The following PIGN variants were observed in gnomAD, a reference collection of about 807,000 sequenced individuals.
PIGN encodes phosphatidylinositol glycan anchor biosynthesis class N.
PIGN carries 117 observed loss-of-function variants against 125.4 expected under a neutral mutation model. That is an observed-to-expected ratio of 0.93 (90% CI 0.80 to 1.09). The LOEUF is 1.09. PIGN is among the 50% of genes least tolerant of loss of function. The pLI, the probability that PIGN is intolerant of heterozygous loss-of-function variation, is 0.00. For synonymous variants in PIGN, 392 were observed against 377.8 expected (o/e 1.04, Z -0.44); for missense variants, 1,075 against 1,094.9 (o/e 0.98, Z 0.26).
chr18:62,117,156 C>T (rs1375388226), intron 14 of PIGN, among the ~76,000 whole-genome samples: 2 of 152,016 alleles, frequency 1.3e-5, no homozygotes, highest in Non-Finnish European at 2.9e-5. Context: ...CTCAATGTAT[C>T]ACCATGACAT....
At chr18:62,033,303 C>T (rs1379786456) in intron 23 of PIGN, among the ~76,000 whole-genome samples, 2 of 152,154 alleles carry the variant, frequency 1.3e-5, no homozygotes, top group African/African-American at 4.8e-5. Context: ...CATAAAATCA[C>T]TGGATTTGTA....
intron 25 of PIGN, chr18:62,088,494 A>G: frequency 5.0e-6 from 1 of 201,256 alleles, no homozygotes; most frequent in Non-Finnish European, 9.8e-6. Context: ...TTAAAAACAC[A>G]TTTTTAAAAA....
At position 62,150,273 on chromosome 18, in the gene PIGN, C is replaced by T. The variant is rs138636560; in HGVS notation, c.550-1935G>A. ...TGCTGGGATTACAGGCGTGAGCCACCGCGCCCAGCCTCTGATAGGGTTTAA... is the reference window on the plus strand; with the variant it reads ...TGCTGGGATTACAGGCGTGAGCCACTGCGCCCAGCCTCTGATAGGGTTTAA... On this transcript the variant is annotated intron_variant, in intron 7 of 30. Transcript: ENST00000640252. Among the ~76,000 whole-genome samples the T allele has an allele frequency of 5.5e-3, 832 of 152,090 alleles. 29 individuals carry two copies. The highest frequency in any genetic ancestry group is 2.1e-3 in the East Asian group (11 of 5,162).
At chr18:62,061,529 AAAAAAAAAAT>A (rs796698240) in intron 30 of PIGN, among the ~76,000 whole-genome samples, 6 of 110,254 alleles carry the variant, frequency 5.4e-5, no homozygotes, top group Admixed American at 2.1e-4. Flanking sequence ...AAAAAAAAAA[AAAAAAAAAAT>A]GCAATAAAAT....
At chr18:62,090,805 A>C (rs1471013749) in intron 23 of PIGN, among the ~76,000 whole-genome samples, 1 of 152,170 alleles carries the variant, frequency 6.6e-6, no homozygotes, top group Admixed American at 6.5e-5. Flanking sequence ...GTTTAAAATA[A>C]TAGAAATATA....
intron 30 of PIGN, chr18:62,052,787 C>A (rs1197681375): frequency 9.7e-6 from 2 of 206,276 alleles, no homozygotes; most frequent in East Asian, 1.9e-4. Context: ...GATGCAGTTT[C>A]TTCCTAGCCT....
At chr18:62,155,746 AT>A (rs869244523) in intron 6 of PIGN, among the ~76,000 whole-genome samples, 1 of 79,488 alleles carries the variant, frequency 1.3e-5, no homozygotes, top group Non-Finnish European at 2.8e-5. Flanking sequence ...ACTATCTCTA[AT>A]TCAATTATTT....
intron 1 of PIGN, among the ~76,000 whole-genome samples, chr18:62,183,613 T>C (rs2037794827): frequency 6.6e-6 from 1 of 152,218 alleles, no homozygotes. Context: ...CTACGACTAT[T>C]TGAATTAATG....
Position 62,041,231 on chromosome 18 carries a change from A to G in PIGN, c.*4625T>C, listed in dbSNP as rs2030360541. On this transcript the variant is annotated 3_prime_UTR_variant, in exon 31 of 31. Transcript: ENST00000640252. Reference sequence around the variant, plus strand: ...AACATAAGGTATGAAGGCTTAGTCTATACTCTAGCAGGGCTAGACAATGAG... The same window carrying G: ...AACATAAGGTATGAAGGCTTAGTCTGTACTCTAGCAGGGCTAGACAATGAG... 1 of 152,238 alleles carries G rather than the reference A, an allele frequency of 6.6e-6. No homozygotes were observed. Among genetic ancestry groups the G allele is most frequent in the Non-Finnish European group, 1.5e-5 (1 of 68,040 alleles). The allele number at this position is 152,238 out of a possible 1,614,324, so 9.4% of individuals were successfully genotyped here.
chr18:62,105,836 T>C (rs543532280), intron 19 of PIGN, among the ~76,000 whole-genome samples: 1 of 152,296 alleles, frequency 6.6e-6, no homozygotes, highest in South Asian at 2.1e-4. Context: ...GAAGGACCTG[T>C]TGCATAGCAG....
At chr18:62,073,005 G>C (rs914527002) in intron 29 of PIGN, among the ~76,000 whole-genome samples, 1 of 152,074 alleles carries the variant, frequency 6.6e-6, no homozygotes, top group Non-Finnish European at 1.5e-5. Context: ...AAAAAAACTA[G>C]ATAATACTAA....
chr18:62,154,717 C>G (rs2036661081), intron 6 of PIGN, 66 bp from the exon 7 acceptor site: 8 of 764,658 alleles, frequency 1.0e-5, no homozygotes, highest in South Asian at 3.0e-5. Flanking sequence ...AAAATATGAG[C>G]TAGTCATTCA....
rs143539075 is a variant in PIGN at position 62,069,062 on chromosome 18, C to A, written c.2672+3611G>T. On this transcript the variant is annotated intron_variant, in intron 30 of 30. Coordinates refer to ENST00000640252, the MANE Select transcript of PIGN (RefSeq NM_176787.5). ...AGAACTGTGAGTTTCTCATCCCCAGCAACTCTCCTAGCATACAGCTGGTGC... is the reference window on the plus strand; with the variant it reads ...AGAACTGTGAGTTTCTCATCCCCAGAAACTCTCCTAGCATACAGCTGGTGC... Among the ~76,000 whole-genome samples, 242 of 152,326 alleles carry A rather than the reference C, an allele frequency of 1.6e-3. 1 individual carries two copies. Among genetic ancestry groups the A allele is most frequent in the African/African-American group, 5.4e-3 (226 of 41,560 alleles).
At chr18:62,066,521 C>T (rs1599437255) in intron 30 of PIGN, among the ~76,000 whole-genome samples, 1 of 152,178 alleles carries the variant, frequency 6.6e-6, no homozygotes, top group African/African-American at 2.4e-5. Flanking sequence ...CAGGGGCAAT[C>T]CTTTGACTGA....
At chr18:62,107,917 G>C (rs982942939) in intron 17 of PIGN, among the ~76,000 whole-genome samples, 1 of 151,982 alleles carries the variant, frequency 6.6e-6, no homozygotes, top group Admixed American at 6.6e-5. Context: ...GTACACTAAC[G>C]GTAATCAAGT....
intron 1 of PIGN, among the ~76,000 whole-genome samples, chr18:62,177,661 A>T (rs891519822): frequency 6.6e-6 from 1 of 152,170 alleles, no homozygotes; most frequent in Admixed American, 6.5e-5. Flanking sequence ...ATCAGATTCC[A>T]GAATTCTGGC....
intron 23 of PIGN, among the ~76,000 whole-genome samples, chr18:62,019,460 G>A (rs1008290460): frequency 1.3e-5 from 2 of 152,206 alleles, no homozygotes; most frequent in African/African-American, 2.4e-5. Context: ...AAGAGTTAGG[G>A]GAAATTACCT....
intron 14 of PIGN, among the ~76,000 whole-genome samples, chr18:62,123,087 A>G (rs2035369168): frequency 6.6e-6 from 1 of 152,062 alleles, no homozygotes; most frequent in Admixed American, 6.6e-5. Context: ...TAGCCTTGGC[A>G]ACATTAGCCA....
At chr18:62,056,338 T>C (rs1704420758) in intron 30 of PIGN, among the ~76,000 whole-genome samples, 1 of 151,998 alleles carries the variant, frequency 6.6e-6, no homozygotes, top group Non-Finnish European at 1.5e-5. Flanking sequence ...AACTCACAAC[T>C]GTTCTGGCTG....
Sources: allele counts gnomAD v4.1 joint callset (sites outside exome capture counted in the v4.1 genomes callset), GRCh38; gene constraint gnomAD v4.1.1; transcripts MANE v1.5; gene names NCBI Gene and HGNC (gene_info 2026-07-23, HGNC 2026-07-21).